The following SHANK2 variants were observed in gnomAD, a reference collection of about 807,000 sequenced individuals.
The protein encoded by SHANK2 is SH3 and multiple ankyrin repeat domains protein 2.
In SHANK2, 43 loss-of-function variants were observed where a neutral mutation model predicts 133.7. The ratio of observed to expected loss-of-function variants is 0.32; its 90% CI spans 0.25 to 0.41. The LOEUF (loss-of-function observed/expected upper bound fraction) is 0.41. Ranked by LOEUF, SHANK2 falls within the 10% of genes least tolerant of loss-of-function variation. SHANK2 has a pLI of 1.00. For synonymous variants in SHANK2, 1,017 were observed against 952.8 expected (o/e 1.07, Z -1.24); for missense variants, 1,994 against 2,235.8 (o/e 0.89, Z 2.18).
At chr11:70,926,434 A>G (rs1386983038) in intron 10 of SHANK2, among the ~76,000 whole-genome samples, 1 of 152,180 alleles carries the variant, frequency 6.6e-6, no homozygotes, top group African/African-American at 2.4e-5. Flanking sequence ...TTTCCAAAAC[A>G]AAACAACCAA....
chr11:71,151,938 G>A (rs1175422037), intron 2 of SHANK2, among the ~76,000 whole-genome samples: 1 of 152,208 alleles, frequency 6.6e-6, no homozygotes, highest in Non-Finnish European at 1.5e-5. Flanking sequence ...AGGGGGGCAC[G>A]AAGGGGGCGA....
chr11:70,534,255 C>T (rs782755273), intron 17 of SHANK2, among the ~76,000 whole-genome samples: 2 of 152,212 alleles, frequency 1.3e-5, no homozygotes, highest in Non-Finnish European at 2.9e-5. Context: ...TCCTTCCTCA[C>T]ATGGCGGCAG....
intron 11 of SHANK2, among the ~76,000 whole-genome samples, chr11:70,858,551 T>C (rs1006445775): frequency 6.6e-6 from 1 of 152,252 alleles, no homozygotes; most frequent in Non-Finnish European, 1.5e-5. Flanking sequence ...CCCATGGACA[T>C]GGCAGCAGCC....
intron 11 of SHANK2, among the ~76,000 whole-genome samples, chr11:70,891,874 C>T (rs1362518302): frequency 1.3e-5 from 2 of 152,168 alleles, no homozygotes; most frequent in Non-Finnish European, 2.9e-5. Flanking sequence ...AGAAATGCCA[C>T]AGAAGACATT....
intron 17 of SHANK2, among the ~76,000 whole-genome samples, chr11:70,524,371 C>T (rs1554971735): frequency 6.6e-6 from 1 of 152,238 alleles, no homozygotes; most frequent in South Asian, 2.1e-4. Context: ...GGACTATCTT[C>T]AACTTAATCT....
Position 71,113,794 on chromosome 11 carries a change from C to T in SHANK2, c.412-430G>A, listed in dbSNP as rs561414525. On this transcript the variant is annotated intron_variant, in intron 4 of 25. Coordinates refer to ENST00000601538, the MANE Select transcript of SHANK2 (RefSeq NM_012309.5). ...ATTGTCCACCTTTGTTAAAACACAC[C>T]CTAAAAGCCTGGGCTGGGAAAGGCC... is the stretch of plus-strand genomic sequence containing the variant. Among the ~76,000 whole-genome samples the T allele has an allele frequency of 1.1e-3, 160 of 152,298 alleles. 1 individual carries two copies. Among genetic ancestry groups the T allele is most frequent in the African/African-American group, 3.5e-3 (146 of 41,568 alleles).
intron 25 of SHANK2, among the ~76,000 whole-genome samples, chr11:70,478,460 AT>A (rs1211979114): frequency 6.6e-6 from 1 of 152,230 alleles, no homozygotes; most frequent in Non-Finnish European, 1.5e-5. Context: ...ACGCCTCTGC[AT>A]TTTAGTGATG....
chr11:71,251,349 G>A (rs1948175208), intron 1 of SHANK2, among the ~76,000 whole-genome samples: 1 of 152,152 alleles, frequency 6.6e-6, no homozygotes, highest in African/African-American at 2.4e-5. Flanking sequence ...CCCTGGCGGC[G>A]AGGTCCACCC....
At chr11:70,670,383 T>G (rs1031325410) in intron 15 of SHANK2, among the ~76,000 whole-genome samples, 29 of 152,104 alleles carry the variant, frequency 1.9e-4, no homozygotes, top group African/African-American at 7.0e-4. Flanking sequence ...AGCAGTTACG[T>G]GGGGGGTGTT....
intron 1 of SHANK2, among the ~76,000 whole-genome samples, chr11:71,241,218 G>C: frequency 6.6e-6 from 1 of 152,290 alleles, no homozygotes; most frequent in Middle Eastern, 3.4e-3. Flanking sequence ...CAGTCTGAAA[G>C]AACAAGATCC....
At chr11:70,725,156 A>G (rs1182188791) in intron 14 of SHANK2, among the ~76,000 whole-genome samples, 1 of 152,184 alleles carries the variant, frequency 6.6e-6, no homozygotes, top group Non-Finnish European at 1.5e-5. Flanking sequence ...CGTAAATAAC[A>G]TGGGCAAAAA....
intron 17 of SHANK2, among the ~76,000 whole-genome samples, chr11:70,641,886 C>T (rs1005484064): frequency 6.6e-6 from 1 of 152,206 alleles, no homozygotes; most frequent in Non-Finnish European, 1.5e-5. Context: ...CAGGCAAGCC[C>T]CTGCCCCAGC....
intron 5 of SHANK2, among the ~76,000 whole-genome samples, chr11:71,110,355 A>C (rs1387281232): frequency 6.6e-6 from 1 of 152,094 alleles, no homozygotes; most frequent in African/African-American, 2.4e-5. Context: ...GGAGAATGGC[A>C]TGAACCTGGG....
At chr11:70,806,565 T>G (rs181362395) in intron 13 of SHANK2, among the ~76,000 whole-genome samples, 77 of 152,288 alleles carry the variant, frequency 5.1e-4, no homozygotes, top group African/African-American at 1.8e-3. Flanking sequence ...GAATCTTTCC[T>G]TCCAACCTGG....
chr11:70,582,368 A>G (rs2060195773), intron 17 of SHANK2, among the ~76,000 whole-genome samples: 1 of 152,214 alleles, frequency 6.6e-6, no homozygotes, highest in Admixed American at 6.5e-5. Flanking sequence ...TAGCTCATGC[A>G]CACATCTGCA....
chr11:70,567,355 G>A (rs181776533), intron 17 of SHANK2, among the ~76,000 whole-genome samples: 8 of 152,270 alleles, frequency 5.3e-5, no homozygotes, highest in African/African-American at 1.2e-4. Context: ...GAGGCCGGGC[G>A]TGGTGGCTCA....
chr11:71,221,649 CAATT>C (rs1188777188), intron 2 of SHANK2, among the ~76,000 whole-genome samples: 7 of 152,200 alleles, frequency 4.6e-5, no homozygotes, highest in Non-Finnish European at 8.8e-5. Flanking sequence ...GCAACATTGT[CAATT>C]AATTCCGTTA....
In SHANK2 at chr11:70,487,446, C is replaced by A. The variant is rs782074772; in HGVS notation, c.2847G>T (p.Gly949=). 1 of 1,614,070 alleles carries A rather than the reference C, an allele frequency of 6.2e-7. No homozygotes were observed. Among genetic ancestry groups the A allele is most frequent in the South Asian group, 1.1e-5 (1 of 91,076 alleles). ...GGTCCAGCTCTCTCCTGAAGTACATCCCCTTCTCCCTCATCATGGTGGCCA... is the reference window on the plus strand; with the variant it reads ...GGTCCAGCTCTCTCCTGAAGTACATACCCTTCTCCCTCATCATGGTGGCCA... ...DTVATMMREK[G]MYFRRELDRY... Residue 949 remains glycine, a synonymous_variant, in exon 25 of 26, where the codon GGG becomes GGT. Transcript: ENST00000601538. This position sits in a 1 kb window ranked among gnomAD's most constrained non-coding sequence, Gnocchi z 5.8.
At chr11:71,103,853 C>A (rs371702272) in intron 6 of SHANK2, among the ~76,000 whole-genome samples, 2 of 118,764 alleles carry the variant, frequency 1.7e-5, no homozygotes, top group East Asian at 3.1e-4. Context: ...TCCCTCCCCC[C>A]CTCCCCTTCT....
Sources: gnomAD v4.1 joint callset for allele counts (sites outside exome capture counted in the v4.1 genomes callset) on GRCh38, gnomAD v4.1.1 for gene constraint, Gnocchi (gnomAD v3.1) non-coding constraint, MANE v1.5 for transcripts, NCBI Gene and HGNC (gene_info 2026-07-23, HGNC 2026-07-21) for gene names.